The following NT5E variants were observed in gnomAD, a reference collection of about 807,000 sequenced individuals.
NT5E encodes 5'-nucleotidase.
NT5E carries 53 observed loss-of-function variants against 55.1 expected under a neutral mutation model. That is an observed-to-expected ratio of 0.96 (90% CI 0.77 to 1.21). The LOEUF is 1.21. NT5E is among the 50% of genes most tolerant of loss of function. The pLI, the probability that NT5E is intolerant of heterozygous loss-of-function variation, is 0.00. For synonymous variants in NT5E, 270 were observed against 278.4 expected, an observed-to-expected ratio of 0.97 and a Z score of 0.30; for missense variants, 683 against 724.3, an observed-to-expected ratio of 0.94 and a Z score of 0.65.
intron 5 of NT5E, 25 bp from the exon 6 acceptor site, chr6:85,489,469 G>A (rs369469436): frequency 7.7e-5 from 115 of 1,495,052 alleles, no homozygotes; most frequent in Non-Finnish European, 1.0e-4. Flanking sequence ...AGAGTAACTA[G>A]TGTAAATCTG....
rs1769628267 is a variant in NT5E, at chr6:85,485,317, C to A, written c.834C>A (p.Val278=). Reference sequence around the variant, plus strand: ...ATGATGGGCGGAAGGTTCCTGTAGTCCAGGCCTATGCTTTTGGCAAATACC... The same window carrying A: ...ATGATGGGCGGAAGGTTCCTGTAGTACAGGCCTATGCTTTTGGCAAATACC... ...TSDDGRKVPV[V]QAYAFGKYLG... The change falls in exon 4 of 9, where the codon GTC becomes GTA. Residue 278 remains valine, a synonymous_variant. Transcript: ENST00000257770. 1.2e-6 allele frequency: 2 copies of A among 1,614,028 alleles called. No individual in the cohort carries two copies. The highest frequency in any genetic ancestry group is 3.3e-5 in the Admixed American group (2 of 60,004).
At chr6:85,487,260 G>C (rs1769686698) in intron 4 of NT5E, 75 bp from the exon 5 acceptor site, 3 of 1,285,666 alleles carry the variant, frequency 2.3e-6, no homozygotes, top group African/African-American at 2.9e-5. Flanking sequence ...TAAGATAGAT[G>C]ATGTTTCATT....
chr6:85,494,306 C>T lies in NT5E; in HGVS notation c.*302C>T, dbSNP rs917960867. On this transcript the variant is annotated 3_prime_UTR_variant, in exon 9 of 9. Transcript: ENST00000257770. Reference sequence around the variant, plus strand: ...TAAACCATATTTTTCTTCTTCATATCCATTTCTAATCCATCAAACAGCTTA... The same window carrying T: ...TAAACCATATTTTTCTTCTTCATATTCATTTCTAATCCATCAAACAGCTTA... The T allele has an allele frequency of 2.9e-6, 1 of 349,008 alleles. No individual in the cohort carries two copies. The highest frequency in any genetic ancestry group is 5.2e-6 in the Non-Finnish European group (1 of 190,640). The allele number at this position is 349,008 out of a possible 1,614,324, so 21.6% of individuals were successfully genotyped here.
chr6:85,485,953 G>C (rs1333147853), intron 4 of NT5E, among the ~76,000 whole-genome samples: 1 of 152,216 alleles, frequency 6.6e-6, no homozygotes, highest in African/African-American at 2.4e-5. Context: ...CAGATTGGCA[G>C]GTTGAGAAAT....
chr6:85,466,835 G>T (rs1769204888), intron 1 of NT5E, among the ~76,000 whole-genome samples: 1 of 152,166 alleles, frequency 6.6e-6, no homozygotes, highest in South Asian at 2.1e-4. Context: ...AGCTCTCCAG[G>T]TGTTGCGTAT....
chr6:85,459,606 G>GCCCAGCCC (rs1769052559), intron 1 of NT5E, among the ~76,000 whole-genome samples: 1 of 152,000 alleles, frequency 6.6e-6, no homozygotes, highest in African/African-American at 2.4e-5. Flanking sequence ...CAGTATTTTT[G>GCCCAGCCC]AAACCCAAAT....
At chr6:85,452,808 G>A (rs1455085222) in intron 1 of NT5E, among the ~76,000 whole-genome samples, 2 of 152,090 alleles carry the variant, frequency 1.3e-5, no homozygotes, top group African/African-American at 4.8e-5. Context: ...TGGTATAAAC[G>A]TTCCTCCACT....
intron 3 of NT5E, among the ~76,000 whole-genome samples, chr6:85,480,344 T>C (rs1582382415): frequency 6.6e-6 from 1 of 152,268 alleles, no homozygotes; most frequent in East Asian, 1.9e-4. Context: ...ATGTGCAGAG[T>C]GACATAGTCT....
intron 1 of NT5E, among the ~76,000 whole-genome samples, chr6:85,453,851 C>G (rs1768939465): frequency 6.6e-6 from 1 of 152,206 alleles, no homozygotes; most frequent in Non-Finnish European, 1.5e-5. Context: ...CACCCTCCAC[C>G]TCCCACATAG....
intron 1 of NT5E, among the ~76,000 whole-genome samples, chr6:85,455,417 A>G (rs1582367247): frequency 6.6e-6 from 1 of 152,170 alleles, no homozygotes. Flanking sequence ...TCAGCTCTAC[A>G]AAAACTCTTG....
chr6:85,471,086 G>T, intron 2 of NT5E, 151 bp from the exon 3 acceptor site: 1 of 486,506 alleles, frequency 2.1e-6, no homozygotes, highest in South Asian at 3.2e-5. Flanking sequence ...CTTCTTAGGG[G>T]TTTTGTATTT....
At chr6:85,489,812 A>G (rs1769745865) in intron 6 of NT5E, among the ~76,000 whole-genome samples, 1 of 152,174 alleles carries the variant, frequency 6.6e-6, no homozygotes, top group South Asian at 2.1e-4. Context: ...GTGTTCTTAT[A>G]TGTATTCACA....
intron 5 of NT5E, 147 bp downstream of exon 5, chr6:85,487,636 A>C: frequency 9.2e-7 from 1 of 1,083,210 alleles, no homozygotes; most frequent in Admixed American, 1.9e-5. Context: ...ATGTGCCTAT[A>C]GTCCCAGCTA....
rs1768846078 is a variant in NT5E at position 85,450,991 on chromosome 6, T to A, written c.339+513T>A. On this transcript the variant is annotated intron_variant, in intron 1 of 8. Coordinates refer to ENST00000257770, the MANE Select transcript of NT5E (RefSeq NM_002526.4). This position sits in a 1 kb window ranked among gnomAD's most constrained non-coding sequence, Gnocchi z 4.0. ...CACCAGATCTCTTTGACCCCGGAGC[T>A]TGAGAGTAATTAAGCTCACAGCTTT... Among the ~76,000 whole-genome samples the A allele has an allele frequency of 6.6e-6, 1 of 152,222 alleles. No homozygotes were observed. Among genetic ancestry groups the A allele is most frequent in the South Asian group, 2.1e-4 (1 of 4,830 alleles).
At chr6:85,472,544 C>T (rs984440717) in intron 3 of NT5E, among the ~76,000 whole-genome samples, 1 of 152,214 alleles carries the variant, frequency 6.6e-6, no homozygotes, top group Non-Finnish European at 1.5e-5. Flanking sequence ...GAGCAGGTCA[C>T]TTAGCACCTC....
In NT5E at chr6:85,471,243, A is replaced by C. The variant is rs751230383; in HGVS notation, c.569A>C (p.Asn190Thr). 10 of 1,605,676 alleles carry C rather than the reference A, an allele frequency of 6.2e-6. No individual in the cohort carries two copies. The highest frequency in any genetic ancestry group is 8.5e-6 in the Non-Finnish European group (10 of 1,174,758). The change falls in exon 3 of 9, where the codon AAT becomes ACT. Residue 190 changes from asparagine to threonine, a missense_variant. By Grantham distance (65) the Asn-to-Thr change is moderately conservative. Transcript: ENST00000257770. ...ETPFLSNPGT[N>T]LVFEDEITAL... Reference sequence around the variant, plus strand: ...TATTTATTTTGTTCCTTAGGGACAAATTTAGTGTTTGAAGATGAAATCACT... The same window carrying C: ...TATTTATTTTGTTCCTTAGGGACAACTTTAGTGTTTGAAGATGAAATCACT...
intron 3 of NT5E, among the ~76,000 whole-genome samples, chr6:85,476,733 TC>T (rs1313528032): frequency 6.6e-6 from 1 of 152,100 alleles, no homozygotes; most frequent in African/African-American, 2.4e-5. Context: ...GGAAGGTGTC[TC>T]CCCCTGGAGT....
intron 3 of NT5E, among the ~76,000 whole-genome samples, chr6:85,479,472 A>G (rs923540813): frequency 2.0e-5 from 3 of 152,330 alleles, no homozygotes; most frequent in African/African-American, 7.2e-5. Context: ...TCTAAGCTTT[A>G]TCTGAAGTAC....
chr6:85,490,998 C>A, intron 7 of NT5E: 1 of 507,708 alleles, frequency 2.0e-6, no homozygotes, highest in Non-Finnish European at 4.0e-6. Context: ...AAATCCTCTC[C>A]TCTGTTCTAC....
Sources: allele counts gnomAD v4.1 joint callset (sites outside exome capture counted in the v4.1 genomes callset), GRCh38; gene constraint gnomAD v4.1.1; non-coding constraint Gnocchi (gnomAD v3.1); transcripts MANE v1.5; gene names NCBI Gene and HGNC (gene_info 2026-07-23, HGNC 2026-07-21).